Variants in WASF3 observed in about 807,000 individuals in gnomAD.
WASF3 encodes the protein actin-binding protein WASF3.
A neutral mutation model predicts 46.6 loss-of-function variants in WASF3; 11 were observed. That is an observed-to-expected ratio of 0.24 (90% confidence interval 0.15 to 0.39). WASF3 has a LOEUF of 0.39. WASF3 is among the 10% of genes least tolerant of loss of function. The pLI is 1.00. For missense variants in WASF3, 576 were observed against 669.8 expected (o/e 0.86, Z 1.55); for synonymous variants, 242 against 259.7 (o/e 0.93, Z 0.65).
At chr13:26,681,559 T>C (rs529790285) in intron 8 of WASF3, among the ~76,000 whole-genome samples, 1 of 152,164 alleles carries the variant, frequency 6.6e-6, no homozygotes, top group East Asian at 1.9e-4. Context: ...TCACACACAC[T>C]CTGGGTGTTT....
rs963744035 is a variant in WASF3, at chr13:26,679,791, G to A, written c.717-1263G>A. The stretch of plus-strand genomic sequence containing the variant: ...TAGTTCAAAAGACATAATCAGAAGT[G>A]CACCATAATCCAGAATTCATACTGC... On this transcript the variant is annotated intron_variant, in intron 7 of 9. Transcript: ENST00000335327. The surrounding 1 kb of genome is among the most constrained non-coding windows in gnomAD (Gnocchi z 4.8). 1.3e-5 allele frequency among the ~76,000 whole-genome samples: 2 copies of A among 152,120 alleles called. No homozygotes were observed. The highest frequency in any genetic ancestry group is 4.8e-5 in the African/African-American group (2 of 41,408).
intron 2 of WASF3, chr13:26,620,558 C>G (rs1216890230): frequency 6.6e-6 from 1 of 152,120 alleles, no homozygotes; most frequent in Non-Finnish European, 1.5e-5. Context: ...TTTCAGAGCT[C>G]CCTTTACCCT....
the WASF3 span, among the ~76,000 whole-genome samples, chr13:26,551,716 G>T: frequency 6.6e-6 from 1 of 152,276 alleles, no homozygotes; most frequent in Non-Finnish European, 1.5e-5. Flanking sequence ...GGCAGGAGGG[G>T]TATTCAGACA....
chr13:26,655,877 A>G (rs118153767), intron 3 of WASF3, among the ~76,000 whole-genome samples: 331 of 152,282 alleles, frequency 2.2e-3, no homozygotes, highest in Non-Finnish European at 2.3e-3. Context: ...CAATCTCGGA[A>G]GTAAAGTCCT....
intron 1 of WASF3, among the ~76,000 whole-genome samples, chr13:26,569,445 A>G (rs772814479): frequency 3.6e-4 from 55 of 152,206 alleles, no homozygotes; most frequent in Non-Finnish European, 6.6e-4. Context: ...AACCTTTTCT[A>G]AGTATCCCAT....
intron 1 of WASF3, among the ~76,000 whole-genome samples, chr13:26,563,781 G>T (rs1879375507): frequency 6.7e-6 from 1 of 149,472 alleles, no homozygotes; most frequent in African/African-American, 2.5e-5. Flanking sequence ...TGGGAGATTA[G>T]CTCTTCTGAC....
At chr13:26,586,256 T>C (rs960016775) in intron 1 of WASF3, among the ~76,000 whole-genome samples, 2 of 151,906 alleles carry the variant, frequency 1.3e-5, no homozygotes, top group African/African-American at 4.8e-5. Flanking sequence ...TTCTTTTCGC[T>C]CTTTATTGGT....
intron 5 of WASF3, among the ~76,000 whole-genome samples, chr13:26,669,886 G>C (rs903360094): frequency 6.6e-6 from 1 of 152,186 alleles, no homozygotes; most frequent in African/African-American, 2.4e-5. Context: ...GGAGAAATAG[G>C]AACGCTTTTA....
chr13:26,589,531 A>G (rs1008403064), intron 1 of WASF3, among the ~76,000 whole-genome samples: 3 of 152,222 alleles, frequency 2.0e-5, no homozygotes, highest in Non-Finnish European at 4.4e-5. Context: ...GGCATCGTCA[A>G]TAGATGCATT....
intron 3 of WASF3, among the ~76,000 whole-genome samples, chr13:26,647,765 A>G (rs770865527): frequency 3.8e-4 from 56 of 148,926 alleles, no homozygotes; most frequent in Admixed American, 6.7e-4. Context: ...AGCCCTGCCG[A>G]AAAAAAAAAA....
the WASF3 span, among the ~76,000 whole-genome samples, chr13:26,550,318 G>A: frequency 1.3e-5 from 2 of 152,052 alleles, no homozygotes; most frequent in African/African-American, 4.8e-5. Flanking sequence ...ATAAGCTTTG[G>A]TTCAGTCATT....
Position 26,676,665 on chromosome 13 carries a change from G to A in WASF3, c.657G>A (p.Arg219=). 6.2e-7 allele frequency: 1 copy of A among 1,614,192 alleles called. No individual in the cohort carries two copies. Among genetic ancestry groups the A allele is most frequent in the South Asian group, 1.1e-5 (1 of 91,082 alleles). ...ACAAAGAGCTTAGACCCGACAACAG[G>A]TTGTCTCAGAGTGTGTACCATGGAG... ...AYDKELRPDN[R]LSQSVYHGAS... is the part of the protein sequence containing the mutation. The change falls in exon 7 of 10, where the codon AGG becomes AGA. Residue 219 remains arginine (R), a synonymous_variant. Coordinates refer to ENST00000335327, the MANE Select transcript of WASF3 (RefSeq NM_006646.6).
At chr13:26,551,408 G>C in the WASF3 span, among the ~76,000 whole-genome samples, 4 of 152,176 alleles carry the variant, frequency 2.6e-5, no homozygotes, top group Non-Finnish European at 4.4e-5. Flanking sequence ...GTCTTTAAGT[G>C]CTATTTAGAT....
At chr13:26,636,475 CA>C (rs1267460236) in intron 2 of WASF3, among the ~76,000 whole-genome samples, 1 of 152,212 alleles carries the variant, frequency 6.6e-6, no homozygotes, top group African/African-American at 2.4e-5. Context: ...CTGGGTGAGG[CA>C]ATGCCCCGCC....
At chr13:26,644,936 G>GA (rs569809005) in intron 3 of WASF3, among the ~76,000 whole-genome samples, 8 of 152,178 alleles carry the variant, frequency 5.3e-5, no homozygotes, top group Non-Finnish European at 1.2e-4. Context: ...TGTGGTGCAG[G>GA]GCTTGGGTGT....
intron 1 of WASF3, among the ~76,000 whole-genome samples, chr13:26,596,363 A>T: frequency 6.8e-6 from 1 of 146,312 alleles, no homozygotes; most frequent in African/African-American, 2.5e-5. Context: ...TAGTTTTGAG[A>T]GTTCTCTCTC....
At chr13:26,569,228 T>C (rs1164130024) in intron 1 of WASF3, among the ~76,000 whole-genome samples, 1 of 152,072 alleles carries the variant, frequency 6.6e-6, no homozygotes, top group East Asian at 1.9e-4. Flanking sequence ...ACAAAGGATA[T>C]AGATGATTTG....
chr13:26,541,645 C>T, the WASF3 span, among the ~76,000 whole-genome samples: 2 of 150,712 alleles, frequency 1.3e-5, no homozygotes, highest in Non-Finnish European at 2.9e-5. Flanking sequence ...CGGAAGCCCA[C>T]TTTTTTTTTT....
intron 7 of WASF3, among the ~76,000 whole-genome samples, chr13:26,678,603 T>C (rs1231080545): frequency 6.6e-6 from 1 of 152,218 alleles, no homozygotes; most frequent in Non-Finnish European, 1.5e-5. Context: ...CCAGGTTTCA[T>C]GGTGTGTGTA....
Sources: gnomAD v4.1 joint callset for allele counts (sites outside exome capture counted in the v4.1 genomes callset) on GRCh38, gnomAD v4.1.1 for gene constraint, Gnocchi (gnomAD v3.1) non-coding constraint, MANE v1.5 for transcripts, NCBI Gene and HGNC (gene_info 2026-07-23, HGNC 2026-07-21) for gene names.